The following SLC14A2 variants were observed in gnomAD, a reference collection of about 807,000 sequenced individuals.
The protein encoded by SLC14A2 is urea transporter 2.
Under a neutral mutation model 104.6 loss-of-function variants are expected in SLC14A2, and 91 were observed. The ratio of observed to expected loss-of-function variants is 0.87; its 90% CI spans 0.73 to 1.04. The LOEUF (loss-of-function observed/expected upper bound fraction) is 1.04, where lower values mean the gene tolerates loss of function less well. Among genes scored for constraint, SLC14A2 ranks in the 50% least tolerant of loss-of-function variants. The pLI is 0.00. For missense variants in SLC14A2, 1,189 were observed against 1,156.0 expected, an observed-to-expected ratio of 1.03 and a Z score of -0.41; for synonymous variants, 476 against 466.4, an observed-to-expected ratio of 1.02 and a Z score of -0.27.
intron 1 of SLC14A2, among the ~76,000 whole-genome samples, chr18:45,257,708 G>T (rs932832922): frequency 6.6e-6 from 1 of 152,136 alleles, no homozygotes; most frequent in Admixed American, 6.5e-5. Flanking sequence ...CCCAAAGTGT[G>T]CCCTGCGGAG....
chr18:45,384,663 C>T (rs925064244), intron 1 of SLC14A2, among the ~76,000 whole-genome samples: 1 of 152,144 alleles, frequency 6.6e-6, no homozygotes, highest in African/African-American at 2.4e-5. Flanking sequence ...CCTCTCCCCC[C>T]GACAACCCCC....
At chr18:45,560,612 T>C (rs1237401529) in intron 2 of SLC14A2, among the ~76,000 whole-genome samples, 1 of 152,120 alleles carries the variant, frequency 6.6e-6, no homozygotes. Context: ...GAAGCCCCTA[T>C]GGAGGAATGA....
At chr18:45,520,504 A>G (rs921936771) in intron 2 of SLC14A2, among the ~76,000 whole-genome samples, 12 of 152,192 alleles carry the variant, frequency 7.9e-5, no homozygotes, top group Non-Finnish European at 1.8e-4. Flanking sequence ...TACCTTTTGA[A>G]TGATGGACTA....
intron 1 of SLC14A2, among the ~76,000 whole-genome samples, chr18:45,355,629 T>C (rs1241917502): frequency 2.1e-5 from 3 of 140,590 alleles, no homozygotes; most frequent in Non-Finnish European, 4.6e-5. Flanking sequence ...GCCAGGGCAG[T>C]TGGGGAGGAA....
At chr18:45,344,952 G>A (rs185207143) in intron 1 of SLC14A2, among the ~76,000 whole-genome samples, 5 of 152,284 alleles carry the variant, frequency 3.3e-5, no homozygotes, top group African/African-American at 9.6e-5. Flanking sequence ...AGACTGAACC[G>A]TGGCCTCTTC....
chr18:45,232,816 C>A (rs1447089380), intron 1 of SLC14A2, among the ~76,000 whole-genome samples: 1 of 152,188 alleles, frequency 6.6e-6, no homozygotes, highest in Non-Finnish European at 1.5e-5. Context: ...AGCTTATAGG[C>A]CCATTTTGAG....
chr18:45,516,218 C>A (rs1387310399), intron 2 of SLC14A2, among the ~76,000 whole-genome samples: 2 of 152,182 alleles, frequency 1.3e-5, no homozygotes, highest in African/African-American at 4.8e-5. Flanking sequence ...CCCCTCACTA[C>A]TGTTTCCCTT....
intron 1 of SLC14A2, among the ~76,000 whole-genome samples, chr18:45,248,042 C>T (rs1041752591): frequency 6.6e-6 from 1 of 152,250 alleles, no homozygotes; most frequent in Middle Eastern, 3.4e-3. Context: ...AAAAAAACCC[C>T]TTTCTATCAG....
intron 1 of SLC14A2, among the ~76,000 whole-genome samples, chr18:45,368,399 G>C (rs1182265785): frequency 6.6e-6 from 1 of 152,144 alleles, no homozygotes; most frequent in African/African-American, 2.4e-5. Flanking sequence ...CAGAAACTCT[G>C]GTCCCTTAGA....
Position 45,246,881 on chromosome 18 carries a change from C to CTAT in SLC14A2, c.-125+33692_-125+33694dup, listed in dbSNP as rs1026541000. ...AAAAACAAAAACAAAAACAAAACAC[C>CTAT]TATTGTAATCCCCATTTTTTCAGAG... is the stretch of plus-strand genomic sequence containing the variant. On this transcript the variant is annotated intron_variant, in intron 1 of 20. Transcript: ENST00000586448. 3.1e-3 allele frequency among the ~76,000 whole-genome samples: 466 copies of CTAT among 152,206 alleles called. 2 individuals carry two copies. Among genetic ancestry groups the CTAT allele is most frequent in the African/African-American group, 0.011 (443 of 41,538 alleles).
In SLC14A2 at chr18:45,632,337, G is replaced by T. The variant is rs376418619; in HGVS notation, c.522-13G>T. 1.2e-6 allele frequency: 2 copies of T among 1,610,002 alleles called. No homozygotes were observed. The highest frequency in any genetic ancestry group is 2.2e-5 in the South Asian group (2 of 90,444). ...CCAACTTCAAATGCAAAATCAGTCT[G>T]TTTCACCGCCAGGTCTGCCATTGCC... On this transcript the variant is annotated splice_polypyrimidine_tract_variant and intron_variant, in intron 4 of 19. Transcript: ENST00000255226.
intron 1 of SLC14A2, among the ~76,000 whole-genome samples, chr18:45,445,927 T>C (rs1317896325): frequency 6.6e-6 from 1 of 152,194 alleles, no homozygotes; most frequent in Non-Finnish European, 1.5e-5. Context: ...AGTGGTTCTT[T>C]TGGGAAATAA....
At chr18:45,310,760 T>C (rs528250974) in intron 1 of SLC14A2, among the ~76,000 whole-genome samples, 2 of 152,310 alleles carry the variant, frequency 1.3e-5, no homozygotes, top group South Asian at 4.1e-4. Context: ...TCTATTGATG[T>C]GCATATGCTC....
At chr18:45,226,359 C>G (rs1384883265) in intron 1 of SLC14A2, among the ~76,000 whole-genome samples, 1 of 152,146 alleles carries the variant, frequency 6.6e-6, no homozygotes, top group Non-Finnish European at 1.5e-5. Context: ...GCTGTAAAGA[C>G]TCATGCACAC....
intron 1 of SLC14A2, among the ~76,000 whole-genome samples, chr18:45,275,929 TA>T (rs1046318822): frequency 1.2e-4 from 18 of 152,254 alleles, no homozygotes; most frequent in South Asian, 2.1e-4. Flanking sequence ...AACAGAGAAT[TA>T]AAGAATAAAG....
chr18:45,341,412 A>C (rs1247571441), intron 1 of SLC14A2, among the ~76,000 whole-genome samples: 2 of 152,178 alleles, frequency 1.3e-5, no homozygotes, highest in Non-Finnish European at 2.9e-5. Context: ...TGGCCTGAAA[A>C]GAAAGTTCCC....
the SLC14A2 span, among the ~76,000 whole-genome samples, chr18:45,188,957 C>A: frequency 2.0e-5 from 3 of 152,150 alleles, no homozygotes; most frequent in Non-Finnish European, 4.4e-5. Flanking sequence ...TGCTTGCAGG[C>A]CTCCTGTTGA....
In SLC14A2 at chr18:45,663,785, G is replaced by A. The variant is rs781634386; in HGVS notation, c.1352G>A (p.Gly451Glu). 3.1e-6 allele frequency: 5 copies of A among 1,612,076 alleles called. No homozygotes were observed. Among genetic ancestry groups the A allele is most frequent in the African/African-American group, 2.7e-5 (2 of 74,788 alleles). The part of the protein sequence containing the change: ...KSGEEEKAPS[G>E]GGGEHPPTAG... ...CCTGTCTTGTTTTGCCCCTGGCTAG[G>A]AGGCGGTGGGGAGCATCCACCCACA... is the stretch of plus-strand genomic sequence containing the variant. Residue 451 changes from glycine (G) to glutamate (E), a missense_variant and splice_region_variant, in exon 11 of 20, where the codon GGA (glycine) becomes GAA (glutamate). Coordinates refer to ENST00000255226, the MANE Select transcript of SLC14A2 (RefSeq NM_007163.4).
chr18:45,415,111 C>T (rs1598777072), intron 1 of SLC14A2, among the ~76,000 whole-genome samples: 1 of 152,080 alleles, frequency 6.6e-6, no homozygotes, highest in Middle Eastern at 3.4e-3. Flanking sequence ...TACTTGCTAA[C>T]CCTGACATGA....
Sources: allele counts gnomAD v4.1 joint callset (sites outside exome capture counted in the v4.1 genomes callset), GRCh38; gene constraint gnomAD v4.1.1; transcripts MANE v1.5; gene names NCBI Gene and HGNC (gene_info 2026-07-23, HGNC 2026-07-21).